The following KIF1C variants were observed in gnomAD, a reference collection of about 807,000 sequenced individuals.
KIF1C encodes the protein kinesin-like protein KIF1C.
Under a neutral mutation model 126.5 loss-of-function variants are expected in KIF1C, and 61 were observed. The observed-to-expected ratio is 0.48, with a 90% CI of 0.39 to 0.60. KIF1C has a LOEUF of 0.60. KIF1C is among the 20% of genes least tolerant of loss of function. The pLI is 0.00. For missense variants in KIF1C, 1,315 were observed against 1,489.2 expected (o/e 0.88, Z 1.93); for synonymous variants, 640 against 580.6 (o/e 1.10, Z -1.47).
intron 18 of KIF1C, among the ~76,000 whole-genome samples, chr17:5,017,791 G>A (rs1358689656): frequency 1.3e-5 from 2 of 151,908 alleles, no homozygotes; most frequent in African/African-American, 4.8e-5. Flanking sequence ...ATTTGCAAAA[G>A]ATGACACAAA....
At position 5,013,635 on chromosome 17, in the gene KIF1C, C is replaced by T; in HGVS notation, c.1492-18C>T. On this transcript the variant is annotated intron_variant, in intron 16 of 22. Transcript: ENST00000320785. ...CCCCTGGCTGGCTCCCCCTGACCAC[C>T]TTTCTCTCCCCGCTTAGACTCCCCA... The T allele has an allele frequency of 6.2e-7, 1 of 1,608,472 alleles. No homozygotes were observed. The highest frequency in any genetic ancestry group is 8.5e-7 in the Non-Finnish European group (1 of 1,175,100).
At chr17:5,010,664 G>A (rs375127252) in intron 16 of KIF1C, among the ~76,000 whole-genome samples, 72 of 151,142 alleles carry the variant, frequency 4.8e-4, no homozygotes, top group Non-Finnish European at 9.2e-4. Flanking sequence ...GGAGAATGGC[G>A]TGAACCCGGG....
rs1303646374 is a variant in KIF1C at position 5,012,388 on chromosome 17, CTGT to C, written c.1492-1259_1492-1257del. Among the ~76,000 whole-genome samples the C allele has an allele frequency of 3.3e-5, 5 of 152,090 alleles. No individual in the cohort carries two copies. The East Asian group carries it at 5.8e-4, about 18-fold the overall frequency. On this transcript the variant is annotated intron_variant, in intron 16 of 22. Coordinates refer to ENST00000320785, the MANE Select transcript of KIF1C (RefSeq NM_006612.6). ...AGGTGGGGGCGGGGCGGGAGGCGGT[CTGT>C]TGTTGGGGACATTGGCAGTCAGGGA...
intron 16 of KIF1C, among the ~76,000 whole-genome samples, chr17:5,010,520 G>A (rs984571385): frequency 5.9e-5 from 9 of 152,030 alleles, no homozygotes; most frequent in South Asian, 2.1e-4. Flanking sequence ...AGGCCGAGGC[G>A]GGCGGATCAC....
intron 18 of KIF1C, among the ~76,000 whole-genome samples, chr17:5,016,903 C>CAAA (rs550926473): frequency 3.5e-5 from 3 of 84,960 alleles, no homozygotes; most frequent in South Asian, 3.8e-4. Context: ...GAGACTGTTT[C>CAAA]AAAAAAAAAA....
intron 18 of KIF1C, among the ~76,000 whole-genome samples, chr17:5,015,876 G>A (rs1331964599): frequency 6.6e-6 from 1 of 152,070 alleles, no homozygotes; most frequent in Non-Finnish European, 1.5e-5. Context: ...GATTACAGGC[G>A]TGAGCCACTG....
Position 5,026,259 on chromosome 17 carries a change from A to G in KIF1C, c.*2108A>G, listed in dbSNP as rs1202794406. The G allele has an allele frequency of 6.6e-6, 1 of 152,174 alleles. No homozygotes were observed. The highest frequency in any genetic ancestry group is 1.5e-5 in the Non-Finnish European group (1 of 68,038). 9.4% of individuals were successfully genotyped at this position (152,174 alleles called of 1,614,324 possible). On this transcript the variant is annotated 3_prime_UTR_variant, in exon 23 of 23. Transcript: ENST00000320785. ...ACAGTGTTTGCTTGAGCAGTTTAAA[A>G]TCTGGCCAGGGAGACTCAATGTGAG...
chr17:5,015,237 C>T (rs1974947357), intron 18 of KIF1C, among the ~76,000 whole-genome samples: 2 of 152,190 alleles, frequency 1.3e-5, no homozygotes, highest in South Asian at 4.1e-4. Context: ...GAAAACCTGC[C>T]TCTATCCAGC....
At position 5,001,751 on chromosome 17, in the gene KIF1C, C is replaced by A. The variant is rs573241371; in HGVS notation, c.364-308C>A. Among the ~76,000 whole-genome samples, 31 of 152,302 alleles carry A rather than the reference C, an allele frequency of 2.0e-4. No homozygotes were observed. In the South Asian group the frequency reaches 6.4e-3, roughly 32 times the overall value. On this transcript the variant is annotated intron_variant, in intron 5 of 22. Coordinates refer to ENST00000320785, the MANE Select transcript of KIF1C (RefSeq NM_006612.6). ...ACCAGCAGAGTGTTAACTGTAGAAA[C>A]GCCAATTGGGATAACGGAGTTAACC... is the stretch of plus-strand genomic sequence containing the variant.
At chr17:5,006,781 C>T (rs1974743669) in intron 13 of KIF1C, 134 bp from the exon 14 acceptor site, 1 of 887,416 alleles carries the variant, frequency 1.1e-6, no homozygotes, top group Non-Finnish European at 1.7e-6. Context: ...GGCTCCTTGC[C>T]TGGTAGGAGG....
chr17:4,998,733 C>G (rs1017182783), intron 1 of KIF1C, among the ~76,000 whole-genome samples: 9 of 152,212 alleles, frequency 5.9e-5, no homozygotes, highest in Non-Finnish European at 2.9e-5. Context: ...CTCCCATGCT[C>G]TGCCCAGGAA....
intron 18 of KIF1C, among the ~76,000 whole-genome samples, chr17:5,015,147 T>G (rs1328697995): frequency 6.6e-6 from 1 of 152,222 alleles, no homozygotes; most frequent in African/African-American, 2.4e-5. Flanking sequence ...CCTGCCCTTC[T>G]TGATCTTGTT....
intron 17 of KIF1C, chr17:5,014,147 G>A (rs1329726375): frequency 5.3e-6 from 1 of 188,304 alleles, no homozygotes; most frequent in African/African-American, 2.4e-5. Context: ...AAGTCATGGG[G>A]GCTCGGTGCC....
intron 18 of KIF1C, among the ~76,000 whole-genome samples, chr17:5,015,682 C>A (rs1429911794): frequency 6.6e-6 from 1 of 151,222 alleles, no homozygotes; most frequent in South Asian, 2.1e-4. Context: ...ACTGCAGCCC[C>A]CACCTCCCAG....
At chr17:5,021,044 C>T (rs914805346) in intron 21 of KIF1C, among the ~76,000 whole-genome samples, 166 bp downstream of exon 21, 7 of 151,978 alleles carry the variant, frequency 4.6e-5, no homozygotes, top group African/African-American at 1.7e-4. Flanking sequence ...AGGAAGAATC[C>T]ATTGTGAGGA....
intron 18 of KIF1C, among the ~76,000 whole-genome samples, chr17:5,018,823 T>C (rs1199129290): frequency 6.6e-6 from 1 of 152,228 alleles, no homozygotes; most frequent in Admixed American, 6.5e-5. Context: ...TTTTTTGTTT[T>C]ATATCACCAA....
intron 9 of KIF1C, 68 bp from the exon 10 acceptor site, chr17:5,003,783 G>A (rs1974662189): frequency 6.4e-7 from 1 of 1,559,552 alleles, no homozygotes; most frequent in East Asian, 2.2e-5. Flanking sequence ...CACTGGGGAG[G>A]TAGGAAGCGG....
At position 5,024,526 on chromosome 17, in the gene KIF1C, C is replaced by T. The variant is rs967697213; in HGVS notation, c.*375C>T. 5 of 205,006 alleles carry T rather than the reference C, an allele frequency of 2.4e-5. No individual in the cohort carries two copies. The highest frequency in any genetic ancestry group is 4.9e-5 in the Non-Finnish European group (5 of 102,328). The allele number at this position is 205,006 out of a possible 1,614,324, so 12.7% of individuals were successfully genotyped here. On this transcript the variant is annotated 3_prime_UTR_variant, in exon 23 of 23. Transcript: ENST00000320785. ...GGACTGAGAGTGAGGCAAGTTCTCC[C>T]CAGCCCCTGTCCGTCTGTCTGTCTG...
At chr17:4,999,012 G>A (rs1158844900) in intron 1 of KIF1C, 2 of 152,346 alleles carry the variant, frequency 1.3e-5, no homozygotes, top group Admixed American at 6.5e-5. Flanking sequence ...CTCCCTTTTA[G>A]GGAGGCCCCA....
Sources: allele counts gnomAD v4.1 joint callset (sites outside exome capture counted in the v4.1 genomes callset), GRCh38; gene constraint gnomAD v4.1.1; transcripts MANE v1.5; gene names NCBI Gene and HGNC (gene_info 2026-07-23, HGNC 2026-07-21).